NEURL1B: variants seen among roughly 807,000 people sequenced by gnomAD.
NEURL1B encodes neuralized E3 ubiquitin protein ligase 1B, also known as E3 ubiquitin-protein ligase NEURL1B.
Under a neutral mutation model 37.4 loss-of-function variants are expected in NEURL1B, and 13 were observed. The observed-to-expected ratio is 0.35, with a 90% CI of 0.23 to 0.55. The LOEUF (loss-of-function observed/expected upper bound fraction) is 0.55, where lower values mean the gene tolerates loss of function less well. NEURL1B is among the 20% of genes least tolerant of loss of function. The probability of loss-of-function intolerance (pLI) is 0.89; values close to 1 mark genes in which losing one functional copy is unlikely to be tolerated. For synonymous variants in NEURL1B, 432 were observed against 426.6 expected (o/e 1.01, Z -0.16); for missense variants, 790 against 879.2 (o/e 0.90, Z 1.28).
At chr5:172,655,730 T>TG (rs1210856723) in intron 1 of NEURL1B, among the ~76,000 whole-genome samples, 27 of 151,476 alleles carry the variant, frequency 1.8e-4, no homozygotes, top group African/African-American at 6.5e-4. Flanking sequence ...AGTGTTTGTT[T>TG]TTTTTTTTTT....
chr5:172,656,071 CT>C (rs1757771084), intron 1 of NEURL1B, among the ~76,000 whole-genome samples: 1 of 152,210 alleles, frequency 6.6e-6, no homozygotes, highest in African/African-American at 2.4e-5. Flanking sequence ...CATGTGGCCC[CT>C]GCTGCTGTGT....
Position 172,670,016 on chromosome 5 carries a change from C to G in NEURL1B, c.263C>G (p.Ala88Gly). The change falls in exon 2 of 5, where the codon GCC (alanine) becomes GGC (glycine). Residue 88 changes from alanine (A) to glycine (G), a missense_variant. Coordinates refer to ENST00000369800, the MANE Select transcript of NEURL1B (RefSeq NM_001142651.3). ...LYEQVRLRLV[A>G]VRPGWSGALR... is the part of the protein sequence containing the mutation. ...GAGCAGGTGCGGCTGCGCCTGGTGG[C>G]CGTGCGCCCTGGCTGGAGCGGCGCG... 1 of 1,489,320 alleles carries G rather than the reference C, an allele frequency of 6.7e-7. No homozygotes were observed. Among genetic ancestry groups the G allele is most frequent in the Non-Finnish European group, 8.9e-7 (1 of 1,125,824 alleles). 92.3% of individuals were successfully genotyped at this position (1,489,320 alleles called of 1,614,324 possible).
rs1757458643 is a variant in NEURL1B at position 172,641,488 on chromosome 5, G to A, written c.31+51G>A. The stretch of plus-strand genomic sequence containing the variant: ...GGCGGGCGCCGGGCTTCTCTCCTCC[G>A]GGGGACCCGCTGGGTGACTCTGGAG... On this transcript the variant is annotated intron_variant, in intron 1 of 4. Transcript: ENST00000369800. This position sits in a 1 kb window ranked among gnomAD's most constrained non-coding sequence, Gnocchi z 6.4. 1 of 1,251,678 alleles carries A rather than the reference G, an allele frequency of 8.0e-7. No homozygotes were observed. The highest frequency in any genetic ancestry group is 1.0e-6 in the Non-Finnish European group (1 of 997,222). 77.5% of individuals were successfully genotyped at this position (1,251,678 alleles called of 1,614,324 possible).
At chr5:172,672,128 A>C (rs1437688001) in intron 2 of NEURL1B, among the ~76,000 whole-genome samples, 7 of 152,226 alleles carry the variant, frequency 4.6e-5, no homozygotes, top group Admixed American at 3.3e-4. Context: ...ACAGCTAAGA[A>C]ATAAGAAGCT....
intron 1 of NEURL1B, among the ~76,000 whole-genome samples, chr5:172,649,212 G>C (rs1210988078): frequency 2.0e-5 from 3 of 152,128 alleles, no homozygotes; most frequent in African/African-American, 4.8e-5. Context: ...GACTTGACAT[G>C]GTTCTTGCAG....
chr5:172,663,714 G>A (rs1461365710), intron 1 of NEURL1B, among the ~76,000 whole-genome samples: 1 of 151,652 alleles, frequency 6.6e-6, no homozygotes, highest in Non-Finnish European at 1.5e-5. Context: ...CACTGGCTGG[G>A]GCCAGCACCC....
In NEURL1B at chr5:172,641,480, T is replaced by C. The variant is rs917317591; in HGVS notation, c.31+43T>C. 6.7e-5 allele frequency: 85 copies of C among 1,262,354 alleles called. No homozygotes were observed. The highest frequency in any genetic ancestry group is 8.4e-5 in the Admixed American group (2 of 23,814). The allele number at this position is 1,262,354 out of a possible 1,614,324, so 78.2% of individuals were successfully genotyped here. ...GCCCGGGAGGCGGGCGCCGGGCTTC[T>C]CTCCTCCGGGGGACCCGCTGGGTGA... On this transcript the variant is annotated intron_variant, in intron 1 of 4. Transcript: ENST00000369800. The surrounding 1 kb of genome is among the most constrained non-coding windows in gnomAD (Gnocchi z 6.4).
Position 172,675,622 on chromosome 5 carries a change from C to T in NEURL1B, c.577+5292C>T, listed in dbSNP as rs1278607065. Among the ~76,000 whole-genome samples the T allele has an allele frequency of 2.0e-5, 3 of 152,078 alleles. No homozygotes were observed. Among genetic ancestry groups the T allele is most frequent in the Non-Finnish European group, 4.4e-5 (3 of 67,998 alleles). On this transcript the variant is annotated intron_variant, in intron 2 of 4. Transcript: ENST00000369800. This position sits in a 1 kb window ranked among gnomAD's most constrained non-coding sequence, Gnocchi z 4.7. ...AAGCTTCTGCCAGGCCATGCGCTCC[C>T]TTCCCTCCCTTCTCCCTGTGGCTCC...
At chr5:172,674,799 T>C (rs781699529) in intron 2 of NEURL1B, among the ~76,000 whole-genome samples, 19 of 152,148 alleles carry the variant, frequency 1.2e-4, no homozygotes, top group Non-Finnish European at 2.6e-4. Flanking sequence ...TTGCTTTGAC[T>C]TTTTCGCTTC....
intron 1 of NEURL1B, among the ~76,000 whole-genome samples, chr5:172,644,656 T>C (rs1757528813): frequency 6.6e-6 from 1 of 152,180 alleles, no homozygotes; most frequent in African/African-American, 2.4e-5. Flanking sequence ...AACTCAACCC[T>C]GCAAAGTAAG....
rs1458837306 is a variant in NEURL1B at position 172,683,992 on chromosome 5, T to C, written c.1151T>C (p.Leu384Pro). 1 of 1,324,080 alleles carries C rather than the reference T, an allele frequency of 7.6e-7. No individual in the cohort carries two copies. Among genetic ancestry groups the C allele is most frequent in the Non-Finnish European group, 9.7e-7 (1 of 1,034,710 alleles). The allele number at this position is 1,324,080 out of a possible 1,614,324, so 82.0% of individuals were successfully genotyped here. The stretch of plus-strand genomic sequence containing the variant: ...CCCGTGCCGAGCGGCGGCGACGCGC[T>C]CAGCTTCACGCTGCGGCCCGGCGGC... ...AGPVPSGGDALSFTLRPGGDV... is the reference protein window; with the variant it reads ...AGPVPSGGDAPSFTLRPGGDV... Residue 384 changes from leucine (L) to proline (P), a missense_variant, in exon 3 of 5, where the codon CTC becomes CCC. Around this residue, in one of 3 missense-constraint regions of NEURL1B, gnomAD observed 460 missense variants for 407.4 expected, o/e 1.13. Coordinates refer to ENST00000369800, the MANE Select transcript of NEURL1B (RefSeq NM_001142651.3). The surrounding 1 kb of genome is among the most constrained non-coding windows in gnomAD (Gnocchi z 5.6).
chr5:172,653,542 T>G (rs1013540776), intron 1 of NEURL1B, among the ~76,000 whole-genome samples: 1 of 152,226 alleles, frequency 6.6e-6, no homozygotes, highest in African/African-American at 2.4e-5. Context: ...TATTTTAATG[T>G]CCAGTTCACA....
At chr5:172,663,970 C>T (rs1027277034) in intron 1 of NEURL1B, among the ~76,000 whole-genome samples, 1 of 151,486 alleles carries the variant, frequency 6.6e-6, no homozygotes, top group South Asian at 2.1e-4. Context: ...TGCCAGGAGG[C>T]GAAGGGTGGG....
At position 172,675,118 on chromosome 5, in the gene NEURL1B, C is replaced by G. The variant is rs1758207811; in HGVS notation, c.577+4788C>G. On this transcript the variant is annotated intron_variant, in intron 2 of 4. Transcript: ENST00000369800. This position sits in a 1 kb window ranked among gnomAD's most constrained non-coding sequence, Gnocchi z 4.7. ...TCTCGAACTCCTGACCTCAGGTGATCCGCCCGCCTCGGCCTCCAAAAGTGC... is the reference window on the plus strand; with the variant it reads ...TCTCGAACTCCTGACCTCAGGTGATGCGCCCGCCTCGGCCTCCAAAAGTGC... Among the ~76,000 whole-genome samples, 2 of 152,190 alleles carry G rather than the reference C, an allele frequency of 1.3e-5. No individual in the cohort carries two copies. The highest frequency in any genetic ancestry group is 2.4e-5 in the African/African-American group (1 of 41,450).
intron 2 of NEURL1B, among the ~76,000 whole-genome samples, chr5:172,682,604 T>A (rs908697934): frequency 6.6e-6 from 1 of 152,196 alleles, no homozygotes; most frequent in Non-Finnish European, 1.5e-5. Context: ...TTTCCCTTCA[T>A]TTAGTTTTAT....
chr5:172,649,640 G>A (rs1201362576), intron 1 of NEURL1B, among the ~76,000 whole-genome samples: 4 of 152,096 alleles, frequency 2.6e-5, no homozygotes, highest in East Asian at 3.9e-4. Context: ...GGGATTACAG[G>A]TGTGAGCCAC....
rs575776994 is a variant in NEURL1B, at chr5:172,641,468, G to A, written c.31+31G>A. 5.8e-4 allele frequency: 751 copies of A among 1,287,666 alleles called. 7 individuals carry two copies. The African/African-American group carries it at 0.01, about 18-fold the overall frequency. The allele number at this position is 1,287,666 out of a possible 1,614,324, so 79.8% of individuals were successfully genotyped here. ...CCGGGGAGCCCTGCCCGGGAGGCGG[G>A]CGCCGGGCTTCTCTCCTCCGGGGGA... On this transcript the variant is annotated intron_variant, in intron 1 of 4. Transcript: ENST00000369800. This position sits in a 1 kb window ranked among gnomAD's most constrained non-coding sequence, Gnocchi z 6.4.
Position 172,686,253 on chromosome 5 carries a change from C to T in NEURL1B, c.1380C>T (p.Thr460=), listed in dbSNP as rs1291668791. The change falls in exon 4 of 5, where the codon ACC becomes ACT. Residue 460 remains threonine, a synonymous_variant. Coordinates refer to ENST00000369800, the MANE Select transcript of NEURL1B (RefSeq NM_001142651.3). This position sits in a 1 kb window ranked among gnomAD's most constrained non-coding sequence, Gnocchi z 7.9. The stretch of plus-strand genomic sequence containing the variant: ...AGGACGATAGTGATTCAGATATGAC[C>T]TTCAGTGTCAACCAGTCCTCCTCGG... ...GSQDDSDSDM[T]FSVNQSSSAS... is the part of the protein sequence containing the mutation. 1 of 1,551,616 alleles carries T rather than the reference C, an allele frequency of 6.4e-7. No homozygotes were observed. The highest frequency in any genetic ancestry group is 8.7e-7 in the Non-Finnish European group (1 of 1,147,002).
chr5:172,641,398 G>A lies in NEURL1B; in HGVS notation c.-9G>A, dbSNP rs1757456122. 4 of 1,378,226 alleles carry A rather than the reference G, an allele frequency of 2.9e-6. No homozygotes were observed. Among genetic ancestry groups the A allele is most frequent in the Admixed American group, 3.2e-5 (1 of 31,652 alleles). The allele number at this position is 1,378,226 out of a possible 1,614,324, so 85.4% of individuals were successfully genotyped here. On this transcript the variant is annotated 5_prime_UTR_variant, in exon 1 of 5. Coordinates refer to ENST00000369800, the MANE Select transcript of NEURL1B (RefSeq NM_001142651.3). The surrounding 1 kb of genome is among the most constrained non-coding windows in gnomAD (Gnocchi z 6.4). ...GCGCGCCGCCGCCAACGCCGCGCCC[G>A]ACGCAGCGATGGGCAACACGGTGCA...
Sources: gnomAD v4.1 joint callset for allele counts (sites outside exome capture counted in the v4.1 genomes callset) on GRCh38, gnomAD v4.1.1 for gene constraint, gnomAD v4.1.1 regional missense constraint, Gnocchi (gnomAD v3.1) non-coding constraint, MANE v1.5 for transcripts, NCBI Gene and HGNC (gene_info 2026-07-23, HGNC 2026-07-21) for gene names.